Variants in MAP3K19 observed in about 807,000 individuals in gnomAD.
The protein encoded by MAP3K19 is SPS1/STE20-related protein kinase YSK4.
A neutral mutation model predicts 114.4 loss-of-function variants in MAP3K19; 91 were observed. The ratio of observed to expected loss-of-function variants is 0.80; its 90% CI spans 0.67 to 0.95. The LOEUF (loss-of-function observed/expected upper bound fraction) is 0.95. Ranked by LOEUF, MAP3K19 falls within the 40% of genes least tolerant of loss-of-function variation. The pLI, the probability that MAP3K19 is intolerant of heterozygous loss-of-function variation, is 0.00. For missense variants in MAP3K19, 1,471 were observed against 1,573.2 expected, an observed-to-expected ratio of 0.94 and a Z score of 1.10; for synonymous variants, 518 against 530.5, an observed-to-expected ratio of 0.98 and a Z score of 0.32.
intron 12 of MAP3K19, among the ~76,000 whole-genome samples, chr2:134,968,112 C>T (rs1266234729): frequency 1.3e-5 from 2 of 152,158 alleles, no homozygotes. Flanking sequence ...ACATCTTGCA[C>T]CGCCCCTAAT....
chr2:134,985,843 G>A lies in MAP3K19; in HGVS notation c.3029C>T (p.Thr1010Ile). ...LNLVLRWRGS[T>I]PKEMGRETTK... ...TGTCTCTCTGCCCATTTCTTTTGGG[G>A]TACTTCCTCTCCATCTGAGGACAAG... The change falls in exon 10 of 13, where the codon ACC (threonine) becomes ATC (isoleucine). Residue 1010 changes from threonine (T) to isoleucine (I), a missense_variant. Transcript: ENST00000392915. 1 of 1,612,744 alleles carries A rather than the reference G, an allele frequency of 6.2e-7. No homozygotes were observed. Among genetic ancestry groups the A allele is most frequent in the Non-Finnish European group, 8.5e-7 (1 of 1,179,648 alleles).
At chr2:135,034,183 A>G (rs1688468815) in intron 2 of MAP3K19, among the ~76,000 whole-genome samples, 2 of 104,176 alleles carry the variant, frequency 1.9e-5, no homozygotes, top group Non-Finnish European at 3.5e-5. Flanking sequence ...GGCCGGGCAG[A>G]GACGCTCCTT....
At chr2:134,991,017 G>A (rs1056527579) in intron 9 of MAP3K19, among the ~76,000 whole-genome samples, 2 of 151,880 alleles carry the variant, frequency 1.3e-5, no homozygotes, top group African/African-American at 4.8e-5. Context: ...AACATAGCGA[G>A]ACCCTGTCTC....
chr2:134,982,703 T>C (rs1684793754), intron 11 of MAP3K19, among the ~76,000 whole-genome samples: 1 of 152,142 alleles, frequency 6.6e-6, no homozygotes, highest in African/African-American at 2.4e-5. Flanking sequence ...GAAAAGCTCC[T>C]GATAATATGT....
In MAP3K19 at chr2:134,998,922, C is replaced by G. The variant is rs777314609; in HGVS notation, c.390G>C (p.Glu130Asp). Residue 130 changes from glutamate (E) to aspartate (D), a missense_variant, in exon 8 of 13, where the codon GAG (glutamate) becomes GAC (aspartate). Transcript: ENST00000392915. The part of the protein sequence containing the change: ...VSHPNEIETV[E>D]LRKKKLTMRP... ...GCATGGTCAGCTTCTTTTTCCTGAG[C>G]TCCACCGTTTCTATTTCATTTGGAT... 1 of 1,614,184 alleles carries G rather than the reference C, an allele frequency of 6.2e-7. No individual in the cohort carries two copies. The highest frequency in any genetic ancestry group is 8.5e-7 in the Non-Finnish European group (1 of 1,180,036).
intron 8 of MAP3K19, among the ~76,000 whole-genome samples, chr2:134,993,515 C>A (rs868660667): frequency 1.3e-5 from 2 of 152,152 alleles, no homozygotes; most frequent in African/African-American, 2.4e-5. Context: ...AAAGACAGAT[C>A]TTTGCTCTTT....
intron 8 of MAP3K19, among the ~76,000 whole-genome samples, chr2:134,992,896 G>A (rs1028049181): frequency 8.6e-5 from 13 of 152,042 alleles, no homozygotes; most frequent in Admixed American, 6.6e-5. Context: ...GGCTAGGCTG[G>A]TCTCGAACAC....
At chr2:135,014,453 T>C (rs904955044) in intron 5 of MAP3K19, among the ~76,000 whole-genome samples, 1 of 151,992 alleles carries the variant, frequency 6.6e-6, no homozygotes, top group Non-Finnish European at 1.5e-5. Context: ...GCCTCCTGAG[T>C]AGCTGGGACC....
At chr2:135,042,084 C>T (rs752605267) in intron 1 of MAP3K19, among the ~76,000 whole-genome samples, 5 of 152,104 alleles carry the variant, frequency 3.3e-5, no homozygotes, top group Non-Finnish European at 7.4e-5. Flanking sequence ...AAACATAACA[C>T]AAAATAGGTT....
At chr2:134,972,729 G>C (rs6741647) in intron 12 of MAP3K19, among the ~76,000 whole-genome samples, 6,796 of 152,170 alleles carry the variant, frequency 0.045, 493 homozygotes, top group African/African-American at 0.15. Context: ...AAGCCACCAT[G>C]CCCAGCCAAT....
At chr2:135,033,291 G>A (rs1414990638) in intron 2 of MAP3K19, among the ~76,000 whole-genome samples, 3 of 122,370 alleles carry the variant, frequency 2.5e-5, no homozygotes, top group East Asian at 2.6e-4. Flanking sequence ...CGGGCAGAGG[G>A]GCTCCTCACC....
intron 8 of MAP3K19, 142 bp from the exon 9 acceptor site, chr2:134,991,722 C>A: frequency 1.5e-6 from 1 of 684,028 alleles, no homozygotes. Context: ...CTGTGGAATT[C>A]ACACAGAGGT....
intron 5 of MAP3K19, among the ~76,000 whole-genome samples, chr2:135,019,104 T>C (rs1687798543): frequency 6.6e-6 from 1 of 151,942 alleles, no homozygotes; most frequent in Non-Finnish European, 1.5e-5. Flanking sequence ...AAAAAAGCTC[T>C]AATTGGATTA....
Position 134,988,078 on chromosome 2 carries a change from G to T in MAP3K19, c.794C>A (p.Pro265Gln). Residue 265 changes from proline to glutamine, a missense_variant, in exon 10 of 13, where the codon CCG becomes CAG. By Grantham distance (76) the Pro-to-Gln change is moderately conservative. Coordinates refer to ENST00000392915, the MANE Select transcript of MAP3K19 (RefSeq NM_025052.5). The part of the protein sequence containing the change: ...SDELSPSNEP[P>Q]GALVKSLMDP... ...CATCAACGACTTAACTAGGGCTCCC[G>T]GAGGCTCGTTTGATGGGCTGAGCTC... 1 of 1,613,868 alleles carries T rather than the reference G, an allele frequency of 6.2e-7. No individual in the cohort carries two copies. Among genetic ancestry groups the T allele is most frequent in the Non-Finnish European group, 8.5e-7 (1 of 1,179,890 alleles).
chr2:134,975,351 A>G lies in MAP3K19; in HGVS notation c.3920+5470T>C, dbSNP rs557901246. On this transcript the variant is annotated intron_variant, in intron 12 of 12. Transcript: ENST00000392915. Reference sequence around the variant, plus strand: ...GTTAATAGTGGCTGCAATGGGCTGGATGGGCCGGTCCTCAGGTCCTCATGA... The same window carrying G: ...GTTAATAGTGGCTGCAATGGGCTGGGTGGGCCGGTCCTCAGGTCCTCATGA... Among the ~76,000 whole-genome samples the G allele has an allele frequency of 1.4e-3, 206 of 152,232 alleles. 1 individual carries two copies. Among genetic ancestry groups the G allele is most frequent in the African/African-American group, 4.9e-3 (204 of 41,524 alleles).
In MAP3K19 at chr2:134,985,810, A is replaced by C; in HGVS notation, c.3062T>G (p.Val1021Gly). Reference protein sequence around the residue: ...PKEMGRETTKVKIQRHSSGLR... With the variant: ...PKEMGRETTKGKIQRHSSGLR... Reference sequence around the variant, plus strand: ...TCTAATTATACCAACCTGTATTTTGACTTTTGTTGTCTCTCTGCCCATTTC... The same window carrying C: ...TCTAATTATACCAACCTGTATTTTGCCTTTTGTTGTCTCTCTGCCCATTTC... The change falls in exon 10 of 13, where the codon GTC becomes GGC. Residue 1021 changes from valine (V) to glycine (G), a missense_variant. Transcript: ENST00000392915. 2 of 1,601,096 alleles carry C rather than the reference A, an allele frequency of 1.2e-6. No homozygotes were observed. The highest frequency in any genetic ancestry group is 1.7e-6 in the Non-Finnish European group (2 of 1,174,548).
intron 6 of MAP3K19, among the ~76,000 whole-genome samples, chr2:135,003,701 C>A (rs6753639): frequency 6.6e-6 from 1 of 151,794 alleles, no homozygotes; most frequent in South Asian, 2.1e-4. Context: ...ATTACAGGTG[C>A]GCACCACCAC....
chr2:135,046,475 C>T (rs1227724972), intron 1 of MAP3K19, among the ~76,000 whole-genome samples: 1 of 152,164 alleles, frequency 6.6e-6, no homozygotes, highest in Non-Finnish European at 1.5e-5. Flanking sequence ...AGGGTTTCAC[C>T]ATGTTGGGCA....
Position 134,980,677 on chromosome 2 carries a change from A to G in MAP3K19, c.3920+144T>C, listed in dbSNP as rs1573931427. The G allele has an allele frequency of 1.1e-5, 8 of 698,484 alleles. No individual in the cohort carries two copies. The East Asian group carries it at 1.6e-4, about 14-fold the overall frequency. The allele number at this position is 698,484 out of a possible 1,614,324, so 43.3% of individuals were successfully genotyped here. A position where few individuals can be genotyped will look rare whatever the true frequency, so the allele number is the denominator to read the frequency against. On this transcript the variant is annotated intron_variant, in intron 12 of 12. Transcript: ENST00000392915. The stretch of plus-strand genomic sequence containing the variant: ...ACACAATTACCCAATATGACTGATT[A>G]TGATTACTTTCGGCACAAAATCACT...
Sources: gnomAD v4.1 joint callset for allele counts (sites outside exome capture counted in the v4.1 genomes callset) on GRCh38, gnomAD v4.1.1 for gene constraint, MANE v1.5 for transcripts, NCBI Gene and HGNC (gene_info 2026-07-23, HGNC 2026-07-21) for gene names.